The following SETBP1 variants were observed in gnomAD, a reference collection of about 807,000 sequenced individuals.
SETBP1 encodes SET binding protein 1.
A neutral mutation model predicts 101.0 loss-of-function variants in SETBP1; 9 were observed. The ratio of observed to expected loss-of-function variants is 0.09; its 90% CI spans 0.05 to 0.16. SETBP1 has a LOEUF of 0.16. Ranked by LOEUF, SETBP1 falls within the 10% of genes least tolerant of loss-of-function variation. SETBP1 has a pLI of 1.00. For synonymous variants in SETBP1, 818 were observed against 788.5 expected, an observed-to-expected ratio of 1.04 and a Z score of -0.63; for missense variants, 1,858 against 2,033.8, an observed-to-expected ratio of 0.91 and a Z score of 1.66.
intron 2 of SETBP1, among the ~76,000 whole-genome samples, chr18:44,854,669 A>T (rs1307063130): frequency 6.6e-6 from 1 of 152,126 alleles, no homozygotes; most frequent in Non-Finnish European, 1.5e-5. Context: ...TCCTGTCTTA[A>T]CCTCTCATGC....
At chr18:44,977,006 A>C (rs898798203) in intron 4 of SETBP1, among the ~76,000 whole-genome samples, 2 of 152,226 alleles carry the variant, frequency 1.3e-5, no homozygotes, top group Non-Finnish European at 2.9e-5. Flanking sequence ...GAAAGAGTTG[A>C]TATATGTAAA....
At position 44,951,272 on chromosome 18, in the gene SETBP1, C is replaced by T. The variant is rs3744824; in HGVS notation, c.1932C>T (p.Ser644=). The change falls in exon 4 of 6, where the codon AGC becomes AGT. Residue 644 remains serine, a synonymous_variant. Transcript: ENST00000649279. This position sits in a 1 kb window ranked among gnomAD's most constrained non-coding sequence, Gnocchi z 7.8. ...QLVPGEDKPM[S]EMKFHKKVGK... ...TGCCGGGAGAGGACAAACCCATGAG[C>T]GAGATGAAATTTCACAAGAAAGTTG... The T allele has an allele frequency of 6.5e-4, 1,050 of 1,613,612 alleles. 13 individuals carry two copies. The East Asian group carries it at 0.022, about 34-fold the overall frequency.
rs775135478 is a variant in SETBP1 at position 44,952,266 on chromosome 18, T to G, written c.2926T>G (p.Phe976Val). The part of the protein sequence containing the change: ...VFRISHRSYT[F>V]YHENPYPSIF... ...CAGAATCTCCCACCGGAGTTACACC[T>G]TCTACCACGAGAATCCATATCCCAG... The change falls in exon 4 of 6, where the codon TTC (phenylalanine) becomes GTC (valine). Residue 976 changes from phenylalanine to valine, a missense_variant. Physicochemically the swap from Phe to Val is conservative, Grantham distance 50. Transcript: ENST00000649279. 1.9e-6 allele frequency: 3 copies of G among 1,614,162 alleles called. 1 individual carries two copies. The South Asian group carries it at 3.3e-5, about 18-fold the overall frequency.
At chr18:45,032,271 G>A (rs770084029) in intron 4 of SETBP1, among the ~76,000 whole-genome samples, 5 of 152,062 alleles carry the variant, frequency 3.3e-5, no homozygotes, top group African/African-American at 4.8e-5. Context: ...GGACTCGTTG[G>A]ACATCCTTCG....
intron 5 of SETBP1, among the ~76,000 whole-genome samples, chr18:45,051,814 T>G (rs912065225): frequency 6.6e-6 from 1 of 152,234 alleles, no homozygotes; most frequent in Admixed American, 6.5e-5. Flanking sequence ...ACTTCTCTTA[T>G]GGAATGAAGT....
In SETBP1 at chr18:45,004,749, G is replaced by A. The variant is rs1193460744; in HGVS notation, c.4001-33736G>A. Among the ~76,000 whole-genome samples, 5 of 152,292 alleles carry A rather than the reference G, an allele frequency of 3.3e-5. No homozygotes were observed. In the East Asian group the frequency reaches 9.6e-4, roughly 29 times the overall value. ...CAGTGAATCACAGGCTTCACTCATGGGTGAGAGCTTATTTCCCTCGGCTGC... is the reference window on the plus strand; with the variant it reads ...CAGTGAATCACAGGCTTCACTCATGAGTGAGAGCTTATTTCCCTCGGCTGC... On this transcript the variant is annotated intron_variant, in intron 4 of 5. Transcript: ENST00000649279.
In SETBP1 at chr18:44,951,213, C is replaced by A; in HGVS notation, c.1873C>A (p.Arg625=). 6.2e-7 allele frequency: 1 copy of A among 1,614,030 alleles called. No homozygotes were observed. The highest frequency in any genetic ancestry group is 8.5e-7 in the Non-Finnish European group (1 of 1,180,024). The change falls in exon 4 of 6, where the codon CGA becomes AGA. Residue 625 remains arginine (R), a synonymous_variant. Transcript: ENST00000649279. This position sits in a 1 kb window ranked among gnomAD's most constrained non-coding sequence, Gnocchi z 7.8. ...REFPGTKKRK[R]RRNLAKLAQL... ...GTTTCCTGGCACTAAGAAAAGAAAG[C>A]GACGACGCAATTTAGCGAAGTTGGC...
chr18:45,003,886 A>G (rs1005856629), intron 4 of SETBP1, among the ~76,000 whole-genome samples: 1 of 152,150 alleles, frequency 6.6e-6, no homozygotes, highest in Non-Finnish European at 1.5e-5. Context: ...CTTTCGTAAG[A>G]TAGTATCCCA....
chr18:44,984,136 G>T (rs1479651516), intron 4 of SETBP1, among the ~76,000 whole-genome samples: 1 of 152,200 alleles, frequency 6.6e-6, no homozygotes, highest in African/African-American at 2.4e-5. Flanking sequence ...GGGAGGCAGA[G>T]GTTGCAGTGA....
chr18:44,865,183 A>G (rs2069102062), intron 2 of SETBP1, among the ~76,000 whole-genome samples: 2 of 152,190 alleles, frequency 1.3e-5, no homozygotes, highest in Non-Finnish European at 2.9e-5. Context: ...TTAACTAGCA[A>G]TGTGATCTTG....
At chr18:44,728,664 C>T (rs1368432018) in intron 2 of SETBP1, among the ~76,000 whole-genome samples, 1 of 152,132 alleles carries the variant, frequency 6.6e-6, no homozygotes, top group Non-Finnish European at 1.5e-5. Context: ...AAAGTATAAT[C>T]CTCCAAATCC....
At chr18:44,842,444 T>G (rs929524438) in intron 2 of SETBP1, among the ~76,000 whole-genome samples, 3 of 152,228 alleles carry the variant, frequency 2.0e-5, no homozygotes, top group Non-Finnish European at 4.4e-5. Flanking sequence ...AGCTTCACTC[T>G]TCCCAGCCCT....
chr18:45,019,726 C>A (rs963418241), intron 4 of SETBP1, among the ~76,000 whole-genome samples: 1 of 152,048 alleles, frequency 6.6e-6, no homozygotes, highest in African/African-American at 2.4e-5. Context: ...CCACATTAGG[C>A]CATTACCTGT....
chr18:44,986,093 T>A (rs1021634663), intron 4 of SETBP1: 43 of 152,230 alleles, frequency 2.8e-4, no homozygotes, highest in African/African-American at 1.0e-3. Flanking sequence ...GCGAACATCA[T>A]GGTGTACTTA....
chr18:45,005,051 C>T (rs926276046), intron 4 of SETBP1, among the ~76,000 whole-genome samples: 1 of 152,128 alleles, frequency 6.6e-6, no homozygotes, highest in Non-Finnish European at 1.5e-5. Context: ...CCTATAAGGG[C>T]TTTGGCGCAG....
chr18:44,947,582 C>T (rs1275990425), intron 3 of SETBP1, among the ~76,000 whole-genome samples: 1 of 151,094 alleles, frequency 6.6e-6, no homozygotes, highest in Non-Finnish European at 1.5e-5. Context: ...TCTCGGCTCA[C>T]CACAACCTCT....
At chr18:44,971,616 C>T (rs1420710060) in intron 4 of SETBP1, among the ~76,000 whole-genome samples, 5 of 152,232 alleles carry the variant, frequency 3.3e-5, no homozygotes, top group African/African-American at 1.2e-4. Flanking sequence ...TTGCATTTCT[C>T]TGATGACCAG....
intron 2 of SETBP1, among the ~76,000 whole-genome samples, chr18:44,731,513 T>G (rs8098637): frequency 6.6e-6 from 1 of 152,140 alleles, no homozygotes; most frequent in African/African-American, 2.4e-5. Context: ...CTAACCAAAC[T>G]TAGAATTGTT....
intron 2 of SETBP1, among the ~76,000 whole-genome samples, chr18:44,840,290 A>C (rs538048302): frequency 5.1e-4 from 78 of 152,336 alleles, no homozygotes; most frequent in African/African-American, 1.7e-3. Context: ...ATGAGCCAGC[A>C]TGCCTTTTGG....
Sources: allele counts gnomAD v4.1 joint callset (sites outside exome capture counted in the v4.1 genomes callset), GRCh38; gene constraint gnomAD v4.1.1; non-coding constraint Gnocchi (gnomAD v3.1); transcripts MANE v1.5; gene names NCBI Gene and HGNC (gene_info 2026-07-23, HGNC 2026-07-21).